The following CPED1 variants were observed in gnomAD, a reference collection of about 807,000 sequenced individuals.
CPED1 encodes the protein cadherin-like and PC-esterase domain-containing protein 1.
Under a neutral mutation model 128.2 loss-of-function variants are expected in CPED1, and 114 were observed. That is an observed-to-expected ratio of 0.89 (90% CI 0.76 to 1.04). The LOEUF (loss-of-function observed/expected upper bound fraction) is 1.04. CPED1 is among the 50% of genes least tolerant of loss of function. CPED1 has a pLI of 0.00. For synonymous variants in CPED1, 462 were observed against 426.7 expected (o/e 1.08, Z -1.02); for missense variants, 1,211 against 1,207.1 (o/e 1.00, Z -0.05).
intron 3 of CPED1, among the ~76,000 whole-genome samples, chr7:121,033,057 C>T (rs1204308067): frequency 2.0e-5 from 3 of 152,178 alleles, no homozygotes; most frequent in African/African-American, 7.2e-5. Flanking sequence ...CATCATATTT[C>T]AGGGCTCAAG....
chr7:121,062,542 T>G (rs1028137028), intron 4 of CPED1, among the ~76,000 whole-genome samples: 2 of 152,212 alleles, frequency 1.3e-5, no homozygotes, highest in Non-Finnish European at 2.9e-5. Context: ...GCCCTTCTTT[T>G]TCTACATTTA....
chr7:121,200,030 G>C (rs1301080462), intron 16 of CPED1, among the ~76,000 whole-genome samples: 1 of 151,998 alleles, frequency 6.6e-6, no homozygotes, highest in African/African-American at 2.4e-5. Flanking sequence ...TGTTTCAAGT[G>C]CTCAGTAGGT....
chr7:121,247,790 G>A (rs368270044), intron 18 of CPED1, among the ~76,000 whole-genome samples: 8 of 152,212 alleles, frequency 5.3e-5, no homozygotes, highest in East Asian at 3.9e-4. Flanking sequence ...CATCTCTGGC[G>A]GAACCCATCT....
intron 5 of CPED1, among the ~76,000 whole-genome samples, chr7:121,084,984 C>T (rs947570067): frequency 1.3e-5 from 2 of 152,214 alleles, no homozygotes; most frequent in African/African-American, 2.4e-5. Context: ...CATTGCTCAT[C>T]GTAGTGACGG....
At chr7:121,027,121 G>A (rs1411439238) in intron 3 of CPED1, among the ~76,000 whole-genome samples, 1 of 151,552 alleles carries the variant, frequency 6.6e-6, no homozygotes, top group Non-Finnish European at 1.5e-5. Flanking sequence ...GATTACAGAC[G>A]TGAACCATCT....
intron 4 of CPED1, among the ~76,000 whole-genome samples, chr7:121,047,715 C>CTTTTT (rs530980600): frequency 2.6e-5 from 2 of 76,060 alleles, no homozygotes; most frequent in Admixed American, 1.3e-4. Flanking sequence ...TCTTCTTCTT[C>CTTTTT]TTTTTTTTTT....
At chr7:121,236,381 CA>C (rs890786493) in intron 16 of CPED1, among the ~76,000 whole-genome samples, 126 of 152,232 alleles carry the variant, frequency 8.3e-4, no homozygotes, top group African/African-American at 3.0e-3. Context: ...TTTCCCTTCT[CA>C]CATGAACCGT....
chr7:121,026,710 G>A (rs1792595846), intron 3 of CPED1, among the ~76,000 whole-genome samples: 1 of 151,160 alleles, frequency 6.6e-6, no homozygotes, highest in African/African-American at 2.4e-5. Flanking sequence ...CTAATACATG[G>A]CTAGGGAGGA....
At chr7:120,994,329 T>C (rs41690) in intron 2 of CPED1, among the ~76,000 whole-genome samples, 62,675 of 152,048 alleles carry the variant, frequency 0.41, 15,266 homozygotes, top group African/African-American at 0.68. Context: ...CCTCCCGATA[T>C]CTTTCATTTA....
chr7:121,130,378 A>G, intron 12 of CPED1, 84 bp downstream of exon 12: 2 of 1,134,246 alleles, frequency 1.8e-6, no homozygotes, highest in Non-Finnish European at 2.4e-6. Flanking sequence ...CCTATGTTAA[A>G]GCAAGCAGCA....
At chr7:121,184,906 T>A (rs1476539715) in intron 16 of CPED1, among the ~76,000 whole-genome samples, 1 of 152,098 alleles carries the variant, frequency 6.6e-6, no homozygotes, top group Non-Finnish European at 1.5e-5. Context: ...AGCATAAAAA[T>A]AATTGTTGCT....
Position 121,268,906 on chromosome 7 carries a change from G to A in CPED1, c.2721+1604G>A, listed in dbSNP as rs184651676. On this transcript the variant is annotated intron_variant, in intron 21 of 22. Transcript: ENST00000310396. Reference sequence around the variant, plus strand: ...ACTGGGTTGGCTGCTCCTACCATGAGCTCCTGTAACAGTGTCTTATGTCCT... The same window carrying A: ...ACTGGGTTGGCTGCTCCTACCATGAACTCCTGTAACAGTGTCTTATGTCCT... Among the ~76,000 whole-genome samples the A allele has an allele frequency of 4.2e-3, 641 of 152,062 alleles. 4 individuals are homozygous for A. The highest frequency in any genetic ancestry group is 6.9e-3 in the Non-Finnish European group (470 of 67,948).
At chr7:121,077,847 C>T (rs774537179) in intron 5 of CPED1, among the ~76,000 whole-genome samples, 20 of 151,626 alleles carry the variant, frequency 1.3e-4, no homozygotes, top group African/African-American at 3.6e-4. Context: ...GGCTCACATA[C>T]GTTTAAAATT....
chr7:121,146,206 G>A (rs1004953970), intron 16 of CPED1, among the ~76,000 whole-genome samples: 18 of 152,006 alleles, frequency 1.2e-4, no homozygotes, highest in Non-Finnish European at 1.9e-4. Flanking sequence ...TCCTCACATG[G>A]TGGAAGCGGG....
chr7:121,028,969 T>G (rs956301944), intron 3 of CPED1, among the ~76,000 whole-genome samples: 1 of 152,118 alleles, frequency 6.6e-6, no homozygotes, highest in East Asian at 1.9e-4. Flanking sequence ...CTAATAATAA[T>G]AAACCATTTT....
At chr7:121,092,630 C>T (rs536888345) in intron 5 of CPED1, among the ~76,000 whole-genome samples, 1 of 152,294 alleles carries the variant, frequency 6.6e-6, no homozygotes, top group South Asian at 2.1e-4. Flanking sequence ...TATGTTTTCT[C>T]ACCATTTTAT....
At chr7:121,127,552 T>TG (rs1194875765) in intron 10 of CPED1, among the ~76,000 whole-genome samples, 1 of 133,760 alleles carries the variant, frequency 7.5e-6, no homozygotes, top group African/African-American at 2.7e-5. Context: ...TTTTTTTTTT[T>TG]TGAGACAGAG....
In CPED1 at chr7:120,988,879, C is replaced by CT. The variant is rs527896176; in HGVS notation, c.-256dup. 0.017 allele frequency: 2,610 copies of CT among 151,812 alleles called. 37 individuals are homozygous for CT. The highest frequency in any genetic ancestry group is 0.026 in the Non-Finnish European group (1,789 of 67,886). 9.4% of individuals were successfully genotyped at this position (151,812 alleles called of 1,614,324 possible). A position where few individuals can be genotyped will look rare whatever the true frequency, so the allele number is the denominator to read the frequency against. On this transcript the variant is annotated 5_prime_UTR_variant, in exon 1 of 23. An upstream open reading frame in the 5' UTR loses its in-frame stop. Transcript: ENST00000310396. The stretch of plus-strand genomic sequence containing the variant: ...GCAATCCATTAGGAAATCATGGAAA[C>CT]TTTTTTTTTCCTGGCTAAAAGGATG...
intron 22 of CPED1, among the ~76,000 whole-genome samples, chr7:121,277,250 C>T (rs1233105479): frequency 6.6e-6 from 1 of 152,028 alleles, no homozygotes; most frequent in East Asian, 1.9e-4. Flanking sequence ...ACTGAAAAGT[C>T]ACCTTATTAG....
Sources: gnomAD v4.1 joint callset for allele counts (sites outside exome capture counted in the v4.1 genomes callset) on GRCh38, gnomAD v4.1.1 for gene constraint, MANE v1.5 for transcripts, NCBI Gene and HGNC (gene_info 2026-07-23, HGNC 2026-07-21) for gene names.